TLN2: variants seen among roughly 807,000 people sequenced by gnomAD.
TLN2 encodes talin 2, also known as talin-2.
In TLN2, 118 loss-of-function variants were observed where a neutral mutation model predicts 294.7. The ratio of observed to expected loss-of-function variants is 0.40; its 90% CI spans 0.34 to 0.47. The LOEUF (loss-of-function observed/expected upper bound fraction) is 0.47. Among genes scored for constraint, TLN2 ranks in the 20% least tolerant of loss-of-function variants. TLN2 has a pLI of 0.84. For synonymous variants in TLN2, 1,431 were observed against 1,304.5 expected, an observed-to-expected ratio of 1.10 and a Z score of -2.09; for missense variants, 3,083 against 3,282.2, an observed-to-expected ratio of 0.94 and a Z score of 1.48.
At chr15:62,540,118 T>A (rs2041591084) in intron 1 of TLN2, among the ~76,000 whole-genome samples, 2 of 152,112 alleles carry the variant, frequency 1.3e-5, no homozygotes, top group African/African-American at 4.8e-5. Flanking sequence ...GGTGGGTGGA[T>A]CACCTGAGGT....
chr15:62,395,050 C>T (rs989995754), intron 1 of TLN2, among the ~76,000 whole-genome samples: 6 of 152,148 alleles, frequency 3.9e-5, no homozygotes, highest in Non-Finnish European at 8.8e-5. Context: ...CTTTTAGCTG[C>T]AGTTTTAACA....
At chr15:62,632,488 C>T (rs763042771) in intron 3 of TLN2, among the ~76,000 whole-genome samples, 7 of 152,248 alleles carry the variant, frequency 4.6e-5, no homozygotes, top group South Asian at 4.1e-4. Flanking sequence ...TCCCCGAGCC[C>T]TGTGGAAGCT....
intron 2 of TLN2, among the ~76,000 whole-genome samples, chr15:62,591,304 G>A (rs929153621): frequency 1.3e-5 from 2 of 152,194 alleles, no homozygotes; most frequent in Non-Finnish European, 2.9e-5. Flanking sequence ...ATTGGTCTGA[G>A]AACTGGTGTT....
chr15:62,812,750 T>C (rs2066791278), intron 52 of TLN2, among the ~76,000 whole-genome samples: 1 of 152,036 alleles, frequency 6.6e-6, no homozygotes, highest in East Asian at 1.9e-4. Flanking sequence ...CTCGTTTGGG[T>C]GAGCAAAATA....
chr15:62,392,762 G>T (rs1187669016), intron 1 of TLN2, among the ~76,000 whole-genome samples: 1 of 152,134 alleles, frequency 6.6e-6, no homozygotes, highest in Non-Finnish European at 1.5e-5. Flanking sequence ...TGGGGGTTAG[G>T]TGTGCAGAGG....
rs1205868385 is a variant in TLN2, at chr15:62,698,783, C to A, written c.1503C>A (p.Thr501=). 6.2e-7 allele frequency: 1 copy of A among 1,611,806 alleles called. No homozygotes were observed. Among genetic ancestry groups the A allele is most frequent in the African/African-American group, 1.3e-5 (1 of 74,894 alleles). Residue 501 remains threonine, a synonymous_variant, in exon 16 of 59, where the codon ACC becomes ACA. Coordinates refer to ENST00000636159, the MANE Select transcript of TLN2 (RefSeq NM_015059.3). ...LTSAQQALMG[T]INTSMHAVQQ... is the part of the protein sequence containing the mutation. Reference sequence around the variant, plus strand: ...CAGCCCAGCAGGCCCTGATGGGGACCATCAACACAAGCATGCACGCCGTCC... The same window carrying A: ...CAGCCCAGCAGGCCCTGATGGGGACAATCAACACAAGCATGCACGCCGTCC...
At chr15:62,826,581 T>G (rs898701388) in intron 54 of TLN2, among the ~76,000 whole-genome samples, 25 of 152,184 alleles carry the variant, frequency 1.6e-4, no homozygotes, top group Non-Finnish European at 5.9e-5. Flanking sequence ...AGCCACCCCA[T>G]CCATGGGTCC....
In TLN2 at chr15:62,719,849, C is replaced by T. The variant is rs750661500; in HGVS notation, c.2960C>T (p.Ala987Val). The change falls in exon 25 of 59, where the codon GCT (alanine) becomes GTT (valine). Residue 987 changes from alanine (A) to valine (V), a missense_variant. Coordinates refer to ENST00000636159, the MANE Select transcript of TLN2 (RefSeq NM_015059.3). ...GCTGAAGACCTGAGTGCCCAGCTGG[C>T]TCTCATCATCTCCAGCCAGAACTTC... ...AQAEDLSAQL[A>V]LIISSQNFLQ... 1.2e-6 allele frequency: 2 copies of T among 1,611,684 alleles called. No homozygotes were observed. Among genetic ancestry groups the T allele is most frequent in the African/African-American group, 2.7e-5 (2 of 74,894 alleles).
chr15:62,722,976 T>A lies in TLN2; in HGVS notation c.3126+489T>A, dbSNP rs371429481. ...GTTTTCACTTATTGCGTGGGAGCAT[T>A]CACCTTAACAAGGTCTTCAAGAGAA... On this transcript the variant is annotated intron_variant, in intron 26 of 58. Coordinates refer to ENST00000636159, the MANE Select transcript of TLN2 (RefSeq NM_015059.3). Among the ~76,000 whole-genome samples the A allele has an allele frequency of 5.3e-5, 8 of 152,358 alleles. No individual in the cohort carries two copies. In the South Asian group the frequency reaches 1.4e-3, roughly 28 times the overall value.
intron 1 of TLN2, among the ~76,000 whole-genome samples, chr15:62,486,231 T>TG (rs2140396261): frequency 6.6e-6 from 1 of 152,316 alleles, no homozygotes; most frequent in South Asian, 2.1e-4. Context: ...AGCCTGTCCT[T>TG]GCTGGCAGAC....
Position 62,700,706 on chromosome 15 carries a change from C to T in TLN2, c.1588-400C>T, listed in dbSNP as rs2058662584. On this transcript the variant is annotated intron_variant, in intron 16 of 58. Transcript: ENST00000636159. ...GTCTAAGTTGAAACACCCTCTTTCT[C>T]ACCCTGCACCCTGCAAAGCAAGGTG... 1.3e-5 allele frequency among the ~76,000 whole-genome samples: 2 copies of T among 152,210 alleles called. 1 individual carries two copies. The highest frequency in any genetic ancestry group is 4.1e-4 in the South Asian group (2 of 4,830).
chr15:62,638,323 C>G (rs755588170), intron 3 of TLN2: 2 of 353,012 alleles, frequency 5.7e-6, no homozygotes, highest in South Asian at 4.4e-5. Flanking sequence ...GGTTCTGAAA[C>G]TTACCATTTC....
chr15:62,422,744 A>C (rs1023494397), intron 1 of TLN2, among the ~76,000 whole-genome samples: 1 of 151,320 alleles, frequency 6.6e-6, no homozygotes, highest in African/African-American at 2.4e-5. Context: ...CCCATCTTCA[A>C]CTCCTCCTAT....
At chr15:62,426,322 A>T (rs1440389867) in intron 1 of TLN2, among the ~76,000 whole-genome samples, 1 of 152,200 alleles carries the variant, frequency 6.6e-6, no homozygotes, top group Non-Finnish European at 1.5e-5. Flanking sequence ...GCAGGCATTT[A>T]TTAGGCCCTA....
chr15:62,613,159 C>T (rs760665912), intron 2 of TLN2, among the ~76,000 whole-genome samples: 11 of 152,316 alleles, frequency 7.2e-5, no homozygotes, highest in South Asian at 2.1e-4. Flanking sequence ...ATTTTAGTAT[C>T]TACCCTTATG....
chr15:62,429,131 T>TGGGG (rs1421790915), intron 1 of TLN2, among the ~76,000 whole-genome samples: 3 of 138,650 alleles, frequency 2.2e-5, no homozygotes, highest in Non-Finnish European at 4.6e-5. Context: ...TGGCGGGGGT[T>TGGGG]GGGGGGGTAG....
At chr15:62,685,381 C>A (rs2057197109) in intron 11 of TLN2, among the ~76,000 whole-genome samples, 1 of 152,122 alleles carries the variant, frequency 6.6e-6, no homozygotes, top group African/African-American at 2.4e-5. Flanking sequence ...CCTGAATGGG[C>A]CTAATGTTGT....
intron 2 of TLN2, among the ~76,000 whole-genome samples, chr15:62,617,441 C>T (rs775923159): frequency 1.3e-5 from 2 of 152,108 alleles, no homozygotes; most frequent in Non-Finnish European, 2.9e-5. Context: ...TCTGTCATGG[C>T]AAGGCACTCA....
At chr15:62,553,253 T>C (rs527978691) in intron 1 of TLN2, among the ~76,000 whole-genome samples, 16 of 152,246 alleles carry the variant, frequency 1.1e-4, no homozygotes, top group African/African-American at 3.6e-4. Flanking sequence ...CCCAGCACTT[T>C]GGGAGGCCGA....
Sources: allele counts gnomAD v4.1 joint callset (sites outside exome capture counted in the v4.1 genomes callset), GRCh38; gene constraint gnomAD v4.1.1; transcripts MANE v1.5; gene names NCBI Gene and HGNC (gene_info 2026-07-23, HGNC 2026-07-21).